Variants in PDZD7 observed in about 807,000 individuals in gnomAD.
PDZD7 encodes the protein PDZ domain-containing protein 7.
PDZD7 carries 72 observed loss-of-function variants against 84.7 expected under a neutral mutation model. The observed-to-expected ratio is 0.85, with a 90% CI of 0.70 to 1.03. The LOEUF (loss-of-function observed/expected upper bound fraction) is 1.03, where lower values mean the gene tolerates loss of function less well. Among genes scored for constraint, PDZD7 ranks in the 50% least tolerant of loss-of-function variants. The probability of loss-of-function intolerance (pLI) is 0.00; values close to 1 mark genes in which losing one functional copy is unlikely to be tolerated. For synonymous variants in PDZD7, 594 were observed against 580.7 expected, an observed-to-expected ratio of 1.02 and a Z score of -0.33; for missense variants, 1,490 against 1,412.9, an observed-to-expected ratio of 1.05 and a Z score of -0.87.
intron 9 of PDZD7, chr10:101,017,894 A>AGAAAG (rs1554834709): frequency 1.4e-5 from 6 of 442,768 alleles, no homozygotes; most frequent in African/African-American, 2.6e-5. Flanking sequence ...AAAGAAAGAA[A>AGAAAG]AGAAAGAAAG....
intron 2 of PDZD7, among the ~76,000 whole-genome samples, chr10:101,024,330 A>C (rs1246019874): frequency 6.6e-6 from 1 of 152,056 alleles, no homozygotes; most frequent in Non-Finnish European, 1.5e-5. Context: ...TGCAGCCACA[A>C]ACTCCTGGGC....
In PDZD7 at chr10:101,008,597, G is replaced by A. The variant is rs1852291369; in HGVS notation, c.2972C>T (p.Pro991Leu). Residue 991 changes from proline (P) to leucine (L), a missense_variant, in exon 17 of 17, where the codon CCA (proline) becomes CTA (leucine). Physicochemically the swap from Pro to Leu is moderately conservative, Grantham distance 98. Coordinates refer to ENST00000619208, the MANE Select transcript of PDZD7 (RefSeq NM_001195263.2). ...DAAPVPAHWL[P>L]EPPTNPQTPP... ...AGTCTGGGGATTGGTGGGAGGTTCTGGGAGCCAGTGGGCAGGAACTGGAGC... is the reference window on the plus strand; with the variant it reads ...AGTCTGGGGATTGGTGGGAGGTTCTAGGAGCCAGTGGGCAGGAACTGGAGC... 1 of 1,535,950 alleles carries A rather than the reference G, an allele frequency of 6.5e-7. No homozygotes were observed. Among genetic ancestry groups the A allele is most frequent in the Non-Finnish European group, 8.7e-7 (1 of 1,146,872 alleles).
At chr10:101,012,591 C>CTG (rs55911142) in intron 11 of PDZD7, among the ~76,000 whole-genome samples, 130,617 of 152,048 alleles carry the variant, frequency 0.86, 56,252 homozygotes, top group Non-Finnish European at 0.88. Flanking sequence ...GATGCGGAAA[C>CTG]AGGCTCAGAG....
intron 4 of PDZD7, 115 bp downstream of exon 4, chr10:101,023,321 C>G: frequency 1.5e-6 from 2 of 1,333,742 alleles, no homozygotes; most frequent in South Asian, 2.5e-5. Context: ...CCTGCGTTTC[C>G]TGAGCCAGCG....
rs1333858817 is a variant in PDZD7, at chr10:101,019,086, C to A, written c.1060G>T (p.Glu354Ter). 1 of 1,565,532 alleles carries A rather than the reference C, an allele frequency of 6.4e-7. No homozygotes were observed. Among genetic ancestry groups the A allele is most frequent in the Non-Finnish European group, 8.6e-7 (1 of 1,162,792 alleles). ...CCTGGGCCGCGGCTGCCGGGCTCCTCCTGCCCGAGGCAGATGTCCATGCGG... is the reference window on the plus strand; with the variant it reads ...CCTGGGCCGCGGCTGCCGGGCTCCTACTGCCCGAGGCAGATGTCCATGCGG... ...SDRMDICLGQ[E>*]EPGSRGPGWG... is the part of the protein sequence containing the mutation. Residue 354 changes from glutamate (E) to a stop codon, truncating the protein, a stop_gained, in exon 8 of 17, where the codon GAG becomes TAG. Coordinates refer to ENST00000619208, the MANE Select transcript of PDZD7 (RefSeq NM_001195263.2). LOFTEE classifies it high-confidence loss of function.
Position 101,018,893 on chromosome 10 carries a change from G to C in PDZD7, c.1253C>G (p.Thr418Arg). The part of the protein sequence containing the change: ...LDSALSESPK[T>R]ALLLALSRPR... ...TCGGCTGAGGGCCAGCAGCAAAGCC[G>C]TCTTGGGAGACTCAGAGAGCGCAGA... Residue 418 changes from threonine to arginine, a missense_variant, in exon 8 of 17, where the codon ACG (threonine) becomes AGG (arginine). Physicochemically the swap from Thr to Arg is moderately conservative, Grantham distance 71 (BLOSUM62 -1). Coordinates refer to ENST00000619208, the MANE Select transcript of PDZD7 (RefSeq NM_001195263.2). The C allele has an allele frequency of 1.2e-6, 2 of 1,605,074 alleles. No homozygotes were observed. Among genetic ancestry groups the C allele is most frequent in the South Asian group, 2.2e-5 (2 of 89,100 alleles).
In PDZD7 at chr10:101,023,976, G is replaced by A. The variant is rs768919023; in HGVS notation, c.319C>T (p.His107Tyr). 1.7e-5 allele frequency: 28 copies of A among 1,614,252 alleles called. No individual in the cohort carries two copies. The highest frequency in any genetic ancestry group is 2.2e-5 in the Non-Finnish European group (26 of 1,180,042). The change falls in exon 3 of 17, where the codon CAT becomes TAT. Residue 107 changes from histidine (H) to tyrosine (Y), a missense_variant. Transcript: ENST00000619208. Reference sequence around the variant, plus strand: ...TTGCTGACGAAGATGCCCAGGCCATGCTCTGAGCCCCCGCGCACGCTGAAG... The same window carrying A: ...TTGCTGACGAAGATGCCCAGGCCATACTCTGAGCCCCCGCGCACGCTGAAG... ...LGFSVRGGSE[H>Y]GLGIFVSKVE...
In PDZD7 at chr10:101,030,090, G is replaced by A; in HGVS notation, c.130C>T (p.Leu44=). ...DSGSTATRYL[L]RKQQRLLNGP... ...TTCAGCAGCCGTTGTTGCTTCCTTA[G>A]CAGGTATCGCGTTGCGGTGGAGCCT... is the stretch of plus-strand genomic sequence containing the variant. The change falls in exon 2 of 17, where the codon CTA becomes TTA. Residue 44 remains leucine, a synonymous_variant. Coordinates refer to ENST00000619208, the MANE Select transcript of PDZD7 (RefSeq NM_001195263.2). 6.2e-7 allele frequency: 1 copy of A among 1,614,216 alleles called. No homozygotes were observed.
chr10:101,022,479 G>A lies in PDZD7; in HGVS notation c.543-94C>T, dbSNP rs551636368. 1.7e-5 allele frequency: 26 copies of A among 1,516,536 alleles called. No individual in the cohort carries two copies. The African/African-American group carries it at 2.6e-4, about 15-fold the overall frequency. The allele number at this position is 1,516,536 out of a possible 1,614,324, so 93.9% of individuals were successfully genotyped here. A position where few individuals can be genotyped will look rare whatever the true frequency, so the allele number is the denominator to read the frequency against. ...TCTGACAACTGCAGGGAAAGTGGGG[G>A]TTGCCTTTGGGGGACTCCCCAGGCC... On this transcript the variant is annotated intron_variant, in intron 4 of 16. Transcript: ENST00000619208.
At chr10:101,029,966 CA>C in intron 2 of PDZD7, 27 bp downstream of exon 2, 14 of 1,576,484 alleles carry the variant, frequency 8.9e-6, no homozygotes, top group East Asian at 4.5e-5. Flanking sequence ...CTCCCCAACC[CA>C]GGCCAGTGGC....
intron 4 of PDZD7, chr10:101,023,124 A>T (rs1853224343): frequency 3.9e-6 from 1 of 257,952 alleles, no homozygotes; most frequent in Admixed American, 5.9e-5. Context: ...TATGTTGCCC[A>T]GGCTAGGCCC....
In PDZD7 at chr10:101,014,222, G is replaced by A. The variant is rs1324480287; in HGVS notation, c.1749+1414C>T. Among the ~76,000 whole-genome samples the A allele has an allele frequency of 2.0e-5, 3 of 152,244 alleles. No homozygotes were observed. The East Asian group carries it at 5.8e-4, about 29-fold the overall frequency. On this transcript the variant is annotated intron_variant, in intron 11 of 16. Transcript: ENST00000619208. ...TAGAGAGATGGCTCACATGGGGAGA[G>A]AAGGGAAGCCTGGAGTTCAGGGCTA... is the stretch of plus-strand genomic sequence containing the variant.
chr10:101,027,925 C>T (rs949116773), intron 2 of PDZD7, among the ~76,000 whole-genome samples: 42 of 152,160 alleles, frequency 2.8e-4, no homozygotes, highest in African/African-American at 1.0e-3. Context: ...TAATGCTTTC[C>T]TGGATTAAAG....
At chr10:101,016,256 T>A in intron 10 of PDZD7, 121 bp downstream of exon 10, 1 of 1,003,434 alleles carries the variant, frequency 1.0e-6, no homozygotes. Context: ...TCTAGCTGCC[T>A]GATCCCCCAT....
At position 101,018,998 on chromosome 10, in the gene PDZD7, C is replaced by CA. The variant is rs1482655499; in HGVS notation, c.1147dup (p.Trp383LeufsTer27). ...GATGACTGTGGGCCGCACGCTGCAC[C>CA]AGGTCTCCACCCGGCCTCCCGCATC... On this transcript the variant is annotated frameshift_variant, in exon 8 of 17. Coordinates refer to ENST00000619208, the MANE Select transcript of PDZD7 (RefSeq NM_001195263.2). LOFTEE classifies it high-confidence loss of function. 1.3e-6 allele frequency: 2 copies of CA among 1,578,654 alleles called. No homozygotes were observed. Among genetic ancestry groups the CA allele is most frequent in the Admixed American group, 3.6e-5 (2 of 54,866 alleles).
At chr10:101,017,526 A>C (rs1247725788) in intron 9 of PDZD7, 2 of 694,272 alleles carry the variant, frequency 2.9e-6, no homozygotes, top group Non-Finnish European at 5.3e-6. Context: ...ATCACGCTGT[A>C]ATCCTAGCAC....
intron 8 of PDZD7, 67 bp from the exon 9 acceptor site, chr10:101,018,363 G>T (rs1304155465): frequency 1.9e-6 from 3 of 1,544,240 alleles, no homozygotes; most frequent in African/African-American, 2.7e-5. Context: ...AGGGGCAGGG[G>T]TGTGGGGAGG....
chr10:101,011,156 T>C, intron 14 of PDZD7: 1 of 952,520 alleles, frequency 1.0e-6, no homozygotes, highest in South Asian at 1.8e-5. Flanking sequence ...GTCTCCTGCC[T>C]CAGCCTCCCG....
chr10:101,021,765 C>G (rs764755449), intron 6 of PDZD7, 33 bp downstream of exon 6: 1 of 1,614,184 alleles, frequency 6.2e-7, no homozygotes, highest in Non-Finnish European at 8.5e-7. Flanking sequence ...CTACTCTAGC[C>G]TCACCTCTCC....
Sources: allele counts gnomAD v4.1 joint callset (sites outside exome capture counted in the v4.1 genomes callset), GRCh38; gene constraint gnomAD v4.1.1; transcripts MANE v1.5; gene names NCBI Gene and HGNC (gene_info 2026-07-23, HGNC 2026-07-21).